The following VPS50 variants were observed in gnomAD, a reference collection of about 807,000 sequenced individuals.
VPS50 encodes the protein VPS50 subunit of EARP/GARPII complex.
VPS50 carries 70 observed loss-of-function variants against 139.7 expected under a neutral mutation model. The observed-to-expected ratio is 0.50, with a 90% CI of 0.41 to 0.61. VPS50 has a LOEUF of 0.61. Among genes scored for constraint, VPS50 ranks in the 20% least tolerant of loss-of-function variants. The pLI is 0.00. For synonymous variants in VPS50, 365 were observed against 376.7 expected, an observed-to-expected ratio of 0.97 and a Z score of 0.36; for missense variants, 921 against 1,133.7, an observed-to-expected ratio of 0.81 and a Z score of 2.69.
In VPS50 at chr7:93,258,190, C is replaced by A. The variant is rs543088722; in HGVS notation, c.454C>A (p.Gln152Lys). The A allele has an allele frequency of 6.3e-7, 1 of 1,581,200 alleles. No individual in the cohort carries two copies. The change falls in exon 7 of 28, where the codon CAA becomes AAA. Residue 152 changes from glutamine (Q) to lysine (K), a missense_variant. Gln to Lys is a moderately conservative substitution (Grantham distance 53). Transcript: ENST00000305866. Reference protein sequence around the residue: ...HLNIAKEGFTQASLGLLANQR... With the variant: ...HLNIAKEGFTKASLGLLANQR... ...GAATATTGCAAAGGAAGGTTTTACT[C>A]AAGCTAGTTTAGGCCTTCTTGCAAA...
At chr7:93,308,118 AGATGAT>A (rs59549693) in intron 18 of VPS50, among the ~76,000 whole-genome samples, 29,286 of 150,180 alleles carry the variant, frequency 0.2, 4,099 homozygotes, top group East Asian at 0.39. Flanking sequence ...TGACATTAAT[AGATGAT>A]GATGATGATG....
chr7:93,320,154 T>C (rs1222735464), intron 20 of VPS50, among the ~76,000 whole-genome samples: 1 of 152,144 alleles, frequency 6.6e-6, no homozygotes, highest in Admixed American at 6.5e-5. Context: ...GAGCTGGCTC[T>C]TTCTCTTCAG....
intron 2 of VPS50, among the ~76,000 whole-genome samples, chr7:93,240,221 A>G (rs1021661054): frequency 7.4e-5 from 9 of 121,838 alleles, no homozygotes; most frequent in Non-Finnish European, 1.6e-4. Context: ...GTGTATGCAC[A>G]CACACACACA....
chr7:93,275,489 G>A (rs1444005467), intron 11 of VPS50, among the ~76,000 whole-genome samples: 2 of 152,070 alleles, frequency 1.3e-5, no homozygotes, highest in East Asian at 1.9e-4. Flanking sequence ...AAAAAAGATC[G>A]ACTCACTGAA....
At chr7:93,327,847 T>A (rs1797826427) in intron 21 of VPS50, among the ~76,000 whole-genome samples, 1 of 152,168 alleles carries the variant, frequency 6.6e-6, no homozygotes, top group South Asian at 2.1e-4. Context: ...AATCAGGTAA[T>A]GTGTAGAATG....
intron 22 of VPS50, among the ~76,000 whole-genome samples, chr7:93,340,270 G>A (rs2117058074): frequency 6.6e-6 from 1 of 152,280 alleles, no homozygotes; most frequent in East Asian, 1.9e-4. Flanking sequence ...GCTGTACAAA[G>A]GGAAACTTAG....
intron 2 of VPS50, among the ~76,000 whole-genome samples, chr7:93,240,217 G>GCACACACA (rs371902647): frequency 0.011 from 1,557 of 142,260 alleles, 27 homozygotes; most frequent in East Asian, 0.054. Context: ...ATATGTGTAT[G>GCACACACA]CACACACACA....
intron 20 of VPS50, among the ~76,000 whole-genome samples, chr7:93,322,621 A>AAG: frequency 6.6e-6 from 1 of 151,660 alleles, no homozygotes; most frequent in South Asian, 2.1e-4. Flanking sequence ...AAAAAAAAAA[A>AAG]ATAGTACCAA....
rs573035014 is a variant in VPS50, at chr7:93,303,440, G to A, written c.1362-20G>A. On this transcript the variant is annotated intron_variant, in intron 16 of 27. Coordinates refer to ENST00000305866, the MANE Select transcript of VPS50 (RefSeq NM_017667.4). ...TACTTTTCTTCTCACTTTTTGGAGTGTTCATTTTCTTTTTTTAAGAACACG... is the reference window on the plus strand; with the variant it reads ...TACTTTTCTTCTCACTTTTTGGAGTATTCATTTTCTTTTTTTAAGAACACG... The A allele has an allele frequency of 7.3e-5, 91 of 1,239,136 alleles. 2 individuals are homozygous for A. The South Asian group carries it at 1.1e-3, about 16-fold the overall frequency. The allele number at this position is 1,239,136 out of a possible 1,614,324, so 76.8% of individuals were successfully genotyped here. A position where few individuals can be genotyped will look rare whatever the true frequency, so the allele number is the denominator to read the frequency against.
intron 12 of VPS50, among the ~76,000 whole-genome samples, chr7:93,282,227 T>A (rs1424590518): frequency 6.6e-6 from 1 of 151,700 alleles, no homozygotes; most frequent in East Asian, 1.9e-4. Flanking sequence ...CAAAAAACAA[T>A]TTTTCTATTT....
chr7:93,270,120 ATT>A (rs200266847), intron 9 of VPS50, among the ~76,000 whole-genome samples: 1 of 146,140 alleles, frequency 6.8e-6, no homozygotes. Context: ...AGTTCTATTG[ATT>A]TTTTTTTTTT....
chr7:93,355,780 C>T lies in VPS50; in HGVS notation c.2586-111C>T, dbSNP rs1439331948. On this transcript the variant is annotated intron_variant, in intron 26 of 27. Transcript: ENST00000305866. ...TGTTCTCTATTTCCTATAACCCTCT[C>T]ATTTCTGGGGAATCTGTCCAAATAT... The T allele has an allele frequency of 3.6e-5, 20 of 561,334 alleles. No homozygotes were observed. The East Asian group carries it at 5.9e-4, about 17-fold the overall frequency. The allele number at this position is 561,334 out of a possible 1,614,324, so 34.8% of individuals were successfully genotyped here. A position where few individuals can be genotyped will look rare whatever the true frequency, so the allele number is the denominator to read the frequency against.
At chr7:93,345,101 AAGAG>A (rs1247789873) in intron 23 of VPS50, among the ~76,000 whole-genome samples, 1 of 152,214 alleles carries the variant, frequency 6.6e-6, no homozygotes, top group African/African-American at 2.4e-5. Context: ...TAAAGAAAAA[AAGAG>A]AGAAGAATCA....
intron 2 of VPS50, among the ~76,000 whole-genome samples, chr7:93,249,057 A>C (rs1795238510): frequency 6.6e-6 from 1 of 152,008 alleles, no homozygotes; most frequent in South Asian, 2.1e-4. Context: ...GGTTTCTTAC[A>C]CTTCAGAGTA....
At chr7:93,341,858 C>G (rs1355599119) in intron 23 of VPS50, among the ~76,000 whole-genome samples, 1 of 152,164 alleles carries the variant, frequency 6.6e-6, no homozygotes, top group African/African-American at 2.4e-5. Context: ...TTATACTATG[C>G]TTCATATTTT....
At chr7:93,311,924 G>A (rs1225015051) in intron 20 of VPS50, among the ~76,000 whole-genome samples, 4 of 152,022 alleles carry the variant, frequency 2.6e-5, no homozygotes, top group East Asian at 3.9e-4. Flanking sequence ...TTATAGAGAT[G>A]TCTTCTCCTA....
At chr7:93,355,334 T>A (rs1179272636) in intron 26 of VPS50, among the ~76,000 whole-genome samples, 4 of 152,186 alleles carry the variant, frequency 2.6e-5, no homozygotes, top group Non-Finnish European at 5.9e-5. Context: ...TAAAACACAC[T>A]GTTTCAGTAG....
rs1796002164 is a variant in VPS50 at position 93,271,273 on chromosome 7, T to C, written c.702+11T>C. The C allele has an allele frequency of 1.3e-6, 2 of 1,554,432 alleles. No homozygotes were observed. Among genetic ancestry groups the C allele is most frequent in the East Asian group, 2.4e-5 (1 of 41,920 alleles). On this transcript the variant is annotated intron_variant, in intron 10 of 27. Transcript: ENST00000305866. ...TTGGAACAGATTGAGGTAAGAAGTA[T>C]TATATCCTAACCTTAATGAGTTTTT...
intron 16 of VPS50, among the ~76,000 whole-genome samples, chr7:93,298,882 G>C (rs980522754): frequency 6.6e-6 from 1 of 152,068 alleles, no homozygotes; most frequent in Non-Finnish European, 1.5e-5. Flanking sequence ...GGTTCTTGTC[G>C]CATTTTTTGC....
Sources: gnomAD v4.1 joint callset for allele counts (sites outside exome capture counted in the v4.1 genomes callset) on GRCh38, gnomAD v4.1.1 for gene constraint, MANE v1.5 for transcripts, NCBI Gene and HGNC (gene_info 2026-07-23, HGNC 2026-07-21) for gene names.